Variants in ASIC2 observed in about 807,000 individuals in gnomAD.
The protein encoded by ASIC2 is acid sensing ion channel subunit 2.
Under a neutral mutation model 57.3 loss-of-function variants are expected in ASIC2, and 25 were observed. The observed-to-expected ratio is 0.44, with a 90% CI of 0.32 to 0.61. The LOEUF (loss-of-function observed/expected upper bound fraction) is 0.61. Ranked by LOEUF, ASIC2 falls within the 20% of genes least tolerant of loss-of-function variation. The probability of loss-of-function intolerance (pLI) is 0.06; values close to 1 mark genes in which losing one functional copy is unlikely to be tolerated. For synonymous variants in ASIC2, 319 were observed against 307.5 expected (o/e 1.04, Z -0.39); for missense variants, 641 against 738.1 (o/e 0.87, Z 1.52).
intron 1 of ASIC2, among the ~76,000 whole-genome samples, chr17:33,488,827 T>C (rs1913659344): frequency 6.6e-6 from 1 of 152,094 alleles, no homozygotes; most frequent in Non-Finnish European, 1.5e-5. Flanking sequence ...AGCCTTGCCC[T>C]TTTTTCAGTC....
At chr17:33,113,669 G>A (rs1356747422) in intron 1 of ASIC2, among the ~76,000 whole-genome samples, 1 of 152,222 alleles carries the variant, frequency 6.6e-6, no homozygotes. Context: ...AGGAAGAGGG[G>A]CTTCTACCCT....
chr17:33,862,133 G>A (rs1914117321), intron 1 of ASIC2, among the ~76,000 whole-genome samples: 1 of 152,186 alleles, frequency 6.6e-6, no homozygotes, highest in African/African-American at 2.4e-5. Flanking sequence ...AAGAGCAAGA[G>A]GCCCCATCCT....
At chr17:33,816,308 A>G (rs998465666) in intron 1 of ASIC2, among the ~76,000 whole-genome samples, 1 of 152,108 alleles carries the variant, frequency 6.6e-6, no homozygotes, top group Non-Finnish European at 1.5e-5. Context: ...GAATGGAGGG[A>G]AAAAGGGGAT....
chr17:33,907,339 A>G (rs1315322294), intron 1 of ASIC2, among the ~76,000 whole-genome samples: 1 of 152,214 alleles, frequency 6.6e-6, no homozygotes, highest in Non-Finnish European at 1.5e-5. Flanking sequence ...CAACACAGAC[A>G]TCCTGAAAGA....
chr17:33,313,812 C>T (rs182951433), intron 1 of ASIC2, among the ~76,000 whole-genome samples: 25 of 152,050 alleles, frequency 1.6e-4, no homozygotes, highest in East Asian at 1.9e-4. Flanking sequence ...CTTCCGTATC[C>T]GGACTAGAAT....
Position 34,155,370 on chromosome 17 carries a change from C to A in ASIC2, c.555+608G>T, listed in dbSNP as rs563557540. On this transcript the variant is annotated intron_variant, in intron 1 of 9. Coordinates refer to the ASIC2 transcript ENST00000359872. Reference sequence around the variant, plus strand: ...CCCTGGGGTGCCCGGCCTCTCCTCTCCCCACATGGAGCTTAGAATTCACAC... The same window carrying A: ...CCCTGGGGTGCCCGGCCTCTCCTCTACCCACATGGAGCTTAGAATTCACAC... Among the ~76,000 whole-genome samples, 4 of 152,216 alleles carry A rather than the reference C, an allele frequency of 2.6e-5. No individual in the cohort carries two copies. In the South Asian group the frequency reaches 8.3e-4, roughly 32 times the overall value.
intron 1 of ASIC2, among the ~76,000 whole-genome samples, chr17:34,143,373 ATGTGATGG>A (rs988180518): frequency 7.9e-5 from 12 of 152,204 alleles, no homozygotes; most frequent in African/African-American, 2.2e-4. Context: ...TTGGTCCCAA[ATGTGATGG>A]TGTTGGGAGG....
intron 1 of ASIC2, among the ~76,000 whole-genome samples, chr17:33,225,905 A>G (rs538050555): frequency 1.3e-5 from 2 of 152,300 alleles, no homozygotes; most frequent in East Asian, 3.9e-4. Context: ...CCTTCCTACC[A>G]TCATCACATT....
chr17:34,001,688 A>G (rs1906346003), intron 1 of ASIC2: 1 of 152,280 alleles, frequency 6.6e-6, no homozygotes, highest in Non-Finnish European at 1.5e-5. Context: ...CTTCCCCCAC[A>G]TAGAGGGTAT....
chr17:33,883,509 C>T (rs1914754185), intron 1 of ASIC2, among the ~76,000 whole-genome samples: 4 of 152,182 alleles, frequency 2.6e-5, no homozygotes, highest in Admixed American at 2.6e-4. Flanking sequence ...TCCCCCTTTC[C>T]ACAGGCTGCC....
chr17:33,192,290 G>C (rs1369970119), intron 1 of ASIC2, among the ~76,000 whole-genome samples: 2 of 152,088 alleles, frequency 1.3e-5, no homozygotes, highest in Admixed American at 6.6e-5. Context: ...GGCTGAGGCA[G>C]GAGAATTGCT....
At chr17:34,051,074 T>C (rs1006035311) in intron 1 of ASIC2, among the ~76,000 whole-genome samples, 1 of 152,220 alleles carries the variant, frequency 6.6e-6, no homozygotes, top group East Asian at 1.9e-4. Flanking sequence ...GCAATTGCTT[T>C]CCTGCAACTC....
intron 1 of ASIC2, among the ~76,000 whole-genome samples, chr17:33,225,369 G>A (rs774407924): frequency 6.6e-6 from 1 of 152,142 alleles, no homozygotes; most frequent in Non-Finnish European, 1.5e-5. Flanking sequence ...CAGTTTTCTC[G>A]TCTGTAAAAT....
chr17:33,650,741 C>A, intron 1 of ASIC2, among the ~76,000 whole-genome samples: 1 of 152,146 alleles, frequency 6.6e-6, no homozygotes, highest in South Asian at 2.1e-4. Context: ...AGGTTACATG[C>A]TGTATGATTC....
chr17:33,438,082 A>C (rs933900933), intron 1 of ASIC2, among the ~76,000 whole-genome samples: 5 of 152,148 alleles, frequency 3.3e-5, no homozygotes, highest in Non-Finnish European at 7.4e-5. Context: ...AGTCTCAGAA[A>C]ATGTCATGAG....
chr17:33,285,466 T>G (rs572184366), intron 1 of ASIC2, among the ~76,000 whole-genome samples: 2 of 152,372 alleles, frequency 1.3e-5, no homozygotes, highest in South Asian at 4.1e-4. Flanking sequence ...CTGCACTATT[T>G]GAGCTCTCCA....
At chr17:33,404,610 G>T (rs1910402731) in intron 1 of ASIC2, among the ~76,000 whole-genome samples, 1 of 152,158 alleles carries the variant, frequency 6.6e-6, no homozygotes, top group East Asian at 1.9e-4. Flanking sequence ...CAGCTCATCA[G>T]CTCCTGTCAA....
intron 1 of ASIC2, among the ~76,000 whole-genome samples, chr17:34,012,668 T>C (rs1906813416): frequency 6.6e-6 from 1 of 152,128 alleles, no homozygotes; most frequent in Non-Finnish European, 1.5e-5. Context: ...CACCTTAGAT[T>C]TGCATTTTTT....
At chr17:33,161,290 A>G (rs1427271682) in intron 1 of ASIC2, among the ~76,000 whole-genome samples, 3 of 152,282 alleles carry the variant, frequency 2.0e-5, no homozygotes, top group South Asian at 2.1e-4. Flanking sequence ...CTTCCTTTAT[A>G]TGCTCCAGCC....
Sources: allele counts gnomAD v4.1 joint callset (sites outside exome capture counted in the v4.1 genomes callset), GRCh38; gene constraint gnomAD v4.1.1; transcripts MANE v1.5; gene names NCBI Gene and HGNC (gene_info 2026-07-23, HGNC 2026-07-21).